NRP1: variants seen among roughly 807,000 people sequenced by gnomAD.
The protein encoded by NRP1 is neuropilin-1.
NRP1 carries 35 observed loss-of-function variants against 106.7 expected under a neutral mutation model. The ratio of observed to expected loss-of-function variants is 0.33; its 90% CI spans 0.25 to 0.43. The LOEUF (loss-of-function observed/expected upper bound fraction) is 0.43, where lower values mean the gene tolerates loss of function less well. NRP1 is among the 20% of genes least tolerant of loss of function. NRP1 has a pLI of 1.00. For synonymous variants in NRP1, 437 were observed against 417.9 expected, an observed-to-expected ratio of 1.05 and a Z score of -0.56; for missense variants, 1,024 against 1,170.4, an observed-to-expected ratio of 0.87 and a Z score of 1.83.
intron 2 of NRP1, among the ~76,000 whole-genome samples, chr10:33,271,868 A>C (rs955412902): frequency 6.6e-6 from 1 of 152,186 alleles, no homozygotes; most frequent in Non-Finnish European, 1.5e-5. Flanking sequence ...TTACCAAGTC[A>C]CCTAGGAGCA....
intron 8 of NRP1, among the ~76,000 whole-genome samples, chr10:33,220,996 C>T (rs1240203556): frequency 2.0e-5 from 3 of 151,682 alleles, no homozygotes; most frequent in Non-Finnish European, 2.9e-5. Flanking sequence ...TTTGGGAGGC[C>T]GAGGTGGGAG....
intron 2 of NRP1, chr10:33,288,231 G>A (rs1844724205): frequency 6.6e-6 from 1 of 152,146 alleles, no homozygotes; most frequent in Non-Finnish European, 1.5e-5. Flanking sequence ...GGCTAATCCT[G>A]TGGGTATGTT....
chr10:33,312,358 A>G (rs1393634984), intron 2 of NRP1, among the ~76,000 whole-genome samples: 1 of 152,206 alleles, frequency 6.6e-6, no homozygotes, highest in African/African-American at 2.4e-5. Flanking sequence ...CTACTTTATC[A>G]TTATACATTT....
chr10:33,188,499 G>C (rs181844440), intron 13 of NRP1, among the ~76,000 whole-genome samples: 1 of 152,212 alleles, frequency 6.6e-6, no homozygotes, highest in East Asian at 1.9e-4. Context: ...CCTGTTCAGT[G>C]CAGTAGGAGA....
intron 10 of NRP1, chr10:33,206,444 C>T: frequency 2.4e-6 from 1 of 409,224 alleles, no homozygotes; most frequent in Non-Finnish European, 4.9e-6. Context: ...TTTAAATAAA[C>T]ACATTGAAAA....
rs1325143132 is a variant in NRP1 at position 33,189,384 on chromosome 10, C to A, written c.2063-2896G>T. 2.6e-5 allele frequency among the ~76,000 whole-genome samples: 4 copies of A among 152,340 alleles called. No homozygotes were observed. The South Asian group carries it at 6.2e-4, about 24-fold the overall frequency. Reference sequence around the variant, plus strand: ...AGCTCAGCCGGTGTCTGAGACAGGGCTGCTTTCCTTGACCCCTCTTCCGTC... The same window carrying A: ...AGCTCAGCCGGTGTCTGAGACAGGGATGCTTTCCTTGACCCCTCTTCCGTC... On this transcript the variant is annotated intron_variant, in intron 13 of 16. Coordinates refer to ENST00000374867, the MANE Select transcript of NRP1 (RefSeq NM_003873.7).
intron 2 of NRP1, among the ~76,000 whole-genome samples, chr10:33,308,841 G>T (rs11009336): frequency 0.12 from 17,634 of 151,986 alleles, 1,065 homozygotes; most frequent in Non-Finnish European, 0.14. Flanking sequence ...TAAGCAGAAA[G>T]AATATATGCC....
intron 2 of NRP1, among the ~76,000 whole-genome samples, chr10:33,272,178 C>T (rs11009328): frequency 2.3e-4 from 35 of 151,974 alleles, no homozygotes; most frequent in Middle Eastern, 3.4e-3. Context: ...TGCAACGATG[C>T]TATCACTAGT....
At chr10:33,229,535 T>A (rs540532693) in intron 6 of NRP1, among the ~76,000 whole-genome samples, 12 of 152,320 alleles carry the variant, frequency 7.9e-5, no homozygotes, top group Admixed American at 5.9e-4. Context: ...AGTTTGGAAA[T>A]GATTAAATTC....
At position 33,313,094 on chromosome 10, in the gene NRP1, A is replaced by AT. The variant is rs538825455; in HGVS notation, c.248+17613dup. On this transcript the variant is annotated intron_variant, in intron 2 of 16. Transcript: ENST00000374867. ...AAGACCACATTCTCAGTTCTTCTAAATAACTGATTAGATAAAATGCATCTG... is the reference window on the plus strand; with the variant it reads ...AAGACCACATTCTCAGTTCTTCTAAATTAACTGATTAGATAAAATGCATCTG... Among the ~76,000 whole-genome samples the AT allele has an allele frequency of 3.9e-5, 6 of 152,368 alleles. No individual in the cohort carries two copies. The East Asian group carries it at 1.2e-3, about 29-fold the overall frequency.
chr10:33,287,255 T>C (rs150434294), intron 2 of NRP1, among the ~76,000 whole-genome samples: 3 of 152,308 alleles, frequency 2.0e-5, no homozygotes, highest in African/African-American at 7.2e-5. Context: ...CAAAAATACT[T>C]TCTCATTAAT....
intron 6 of NRP1, among the ~76,000 whole-genome samples, chr10:33,242,239 TATC>T (rs769140283): frequency 1.5e-4 from 23 of 152,324 alleles, no homozygotes; most frequent in Non-Finnish European, 3.2e-4. Flanking sequence ...TTAGAGGAAA[TATC>T]ATGTTAAATG....
intron 2 of NRP1, among the ~76,000 whole-genome samples, chr10:33,330,135 A>G (rs1260619146): frequency 6.6e-6 from 1 of 152,246 alleles, no homozygotes; most frequent in African/African-American, 2.4e-5. Flanking sequence ...AAGTATTTTA[A>G]TCAGTAATCC....
In NRP1 at chr10:33,210,497, G is replaced by A. The variant is rs199705225; in HGVS notation, c.1615-2781C>T. Among the ~76,000 whole-genome samples the A allele has an allele frequency of 3.9e-5, 6 of 152,332 alleles. No individual in the cohort carries two copies. In the East Asian group the frequency reaches 1.2e-3, roughly 29 times the overall value. ...ATACATTATAAAAGCTGTCAGTGCAGAGCTGGGAAGAATATTAGCAATGAA... is the reference window on the plus strand; with the variant it reads ...ATACATTATAAAAGCTGTCAGTGCAAAGCTGGGAAGAATATTAGCAATGAA... On this transcript the variant is annotated intron_variant, in intron 9 of 16. Transcript: ENST00000374867.
intron 5 of NRP1, 147 bp downstream of exon 5, chr10:33,256,169 A>T: frequency 1.3e-6 from 1 of 756,104 alleles, no homozygotes; most frequent in Non-Finnish European, 2.1e-6. Context: ...ATTGATACTC[A>T]TAAAAAAACA....
chr10:33,229,027 G>GA (rs1839900537), intron 6 of NRP1, among the ~76,000 whole-genome samples: 1 of 152,148 alleles, frequency 6.6e-6, no homozygotes, highest in South Asian at 2.1e-4. Context: ...TCAAAAAGGG[G>GA]AGGTGATTGA....
At chr10:33,250,727 G>A (rs1186440647) in intron 6 of NRP1, among the ~76,000 whole-genome samples, 2 of 152,266 alleles carry the variant, frequency 1.3e-5, no homozygotes, top group South Asian at 2.1e-4. Context: ...TTAAAATGGG[G>A]ATGATTATAC....
chr10:33,195,500 T>C, intron 12 of NRP1: 1 of 533,414 alleles, frequency 1.9e-6, no homozygotes, highest in Non-Finnish European at 3.8e-6. Context: ...GAGTCTATAA[T>C]AGCAAAATGG....
Position 33,186,276 on chromosome 10 carries a change from G to C in NRP1, c.2275C>G (p.Gln759Glu), listed in dbSNP as rs745403355. 26 of 1,613,966 alleles carry C rather than the reference G, an allele frequency of 1.6e-5. No individual in the cohort carries two copies. In the South Asian group the frequency reaches 2.7e-4, roughly 17 times the overall value. ...DQLVWMAIGH[Q>E]GDHWKEGRVL... ...CGCCCTTCCTTCCAGTGGTCACCTT[G>C]GTGTCCAATGGCCATCCAGACCAGC... is the stretch of plus-strand genomic sequence containing the variant. Residue 759 changes from glutamine to glutamate, a missense_variant, in exon 14 of 17, where the codon CAA (glutamine) becomes GAA (glutamate). Physicochemically the swap from Gln to Glu is conservative, Grantham distance 29. Coordinates refer to ENST00000374867, the MANE Select transcript of NRP1 (RefSeq NM_003873.7).
Sources: gnomAD v4.1 joint callset for allele counts (sites outside exome capture counted in the v4.1 genomes callset) on GRCh38, gnomAD v4.1.1 for gene constraint, MANE v1.5 for transcripts, NCBI Gene and HGNC (gene_info 2026-07-23, HGNC 2026-07-21) for gene names.